Variants in EFCAB7 observed in about 807,000 individuals in gnomAD.
The protein encoded by EFCAB7 is EF-hand calcium-binding domain-containing protein 7.
EFCAB7 carries 66 observed loss-of-function variants against 77.1 expected under a neutral mutation model. The ratio of observed to expected loss-of-function variants is 0.86; its 90% CI spans 0.70 to 1.05. The LOEUF is 1.05. Ranked by LOEUF, EFCAB7 falls within the 50% of genes least tolerant of loss-of-function variation. The pLI is 0.00. For missense variants in EFCAB7, 638 were observed against 730.5 expected (o/e 0.87, Z 1.46); for synonymous variants, 225 against 243.3 (o/e 0.92, Z 0.70).
chr1:63,553,004 G>C (rs1035403716), intron 8 of EFCAB7, among the ~76,000 whole-genome samples: 26 of 152,282 alleles, frequency 1.7e-4, no homozygotes, highest in African/African-American at 5.1e-4. Flanking sequence ...AAAAAAATTA[G>C]TATATAGCAA....
intron 2 of EFCAB7, among the ~76,000 whole-genome samples, chr1:63,530,327 C>A (rs759285964): frequency 3.3e-5 from 5 of 152,118 alleles, no homozygotes; most frequent in Non-Finnish European, 7.3e-5. Flanking sequence ...TTGGAACTAT[C>A]CAATATAAGA....
downstream of EFCAB7, among the ~76,000 whole-genome samples, chr1:63,573,613 C>T (rs1647329899): frequency 6.6e-6 from 1 of 152,056 alleles, no homozygotes; most frequent in South Asian, 2.1e-4. Flanking sequence ...AAGAGTAGGG[C>T]ATTTATGAGT....
intron 2 of EFCAB7, among the ~76,000 whole-genome samples, chr1:63,530,767 T>C (rs1454857900): frequency 6.6e-6 from 1 of 152,216 alleles, no homozygotes; most frequent in Non-Finnish European, 1.5e-5. Context: ...ATTAATGTTT[T>C]TGAAAGCTTA....
At chr1:63,559,301 C>CAAAAAA (rs71052490) in intron 10 of EFCAB7, among the ~76,000 whole-genome samples, 20 of 62,166 alleles carry the variant, frequency 3.2e-4, no homozygotes, top group Non-Finnish European at 4.1e-4. Context: ...GACTCTGTCT[C>CAAAAAA]AAAAAAAAAA....
chr1:63,568,349 A>C lies in EFCAB7; in HGVS notation c.1537A>C (p.Lys513Gln). The C allele has an allele frequency of 6.2e-7, 1 of 1,602,868 alleles. No homozygotes were observed. The highest frequency in any genetic ancestry group is 1.3e-5 in the African/African-American group (1 of 74,160). The change falls in exon 12 of 14, where the codon AAG becomes CAG. Residue 513 changes from lysine to glutamine, a missense_variant. By Grantham distance (53) the Lys-to-Gln change is moderately conservative. Coordinates refer to ENST00000371088, the MANE Select transcript of EFCAB7 (RefSeq NM_032437.4). ...FVIDIYAEKC[K>Q]PKIKAVHMEA... ...CATTGATATCTATGCAGAAAAATGC[A>C]AGCCAAAAATTAAAGCTGTCCATAT...
In EFCAB7 at chr1:63,533,498, T is replaced by G. The variant is rs1464805935; in HGVS notation, c.531T>G (p.Thr177=). 1 of 1,610,864 alleles carries G rather than the reference T, an allele frequency of 6.2e-7. No homozygotes were observed. Among genetic ancestry groups the G allele is most frequent in the Non-Finnish European group, 8.5e-7 (1 of 1,179,102 alleles). The part of the protein sequence containing the change: ...YMTTNEQCLK[T]TLEKLEVDSK... ...CAACCAACGAGCAATGTCTCAAGAC[T>G]ACACTAGAAAAACTAGAGGTTGACA... The change falls in exon 5 of 14, where the codon ACT becomes ACG. Residue 177 remains threonine, a synonymous_variant. Coordinates refer to ENST00000371088, the MANE Select transcript of EFCAB7 (RefSeq NM_032437.4).
intron 8 of EFCAB7, among the ~76,000 whole-genome samples, chr1:63,554,300 T>G (rs944348021): frequency 1.3e-5 from 2 of 152,190 alleles, no homozygotes; most frequent in African/African-American, 2.4e-5. Context: ...AAAAAGCTCT[T>G]AGGAGGTACA....
chr1:63,533,815 A>G (rs1413132252), intron 5 of EFCAB7, among the ~76,000 whole-genome samples, 166 bp downstream of exon 5: 2 of 152,132 alleles, frequency 1.3e-5, no homozygotes, highest in Non-Finnish European at 2.9e-5. Flanking sequence ...TTGAAGTAAA[A>G]TTTTATTATG....
intron 11 of EFCAB7, among the ~76,000 whole-genome samples, chr1:63,563,946 G>A (rs912493593): frequency 6.6e-6 from 1 of 151,928 alleles, no homozygotes; most frequent in Admixed American, 6.6e-5. Flanking sequence ...AAACTTACAT[G>A]TTTAGTTTTG....
intron 12 of EFCAB7, 78 bp downstream of exon 12, chr1:63,568,597 G>C (rs187157251): frequency 1.8e-6 from 2 of 1,105,810 alleles, no homozygotes; most frequent in East Asian, 5.3e-5. Context: ...TACTCTATTC[G>C]TATGTGGTAA....
intron 8 of EFCAB7, 40 bp from the exon 9 acceptor site, chr1:63,555,318 T>C (rs1188911416): frequency 3.9e-5 from 61 of 1,565,652 alleles, no homozygotes; most frequent in Non-Finnish European, 5.0e-5. Flanking sequence ...ATGAAAAGAT[T>C]AAGACTGATG....
At chr1:63,543,337 T>C (rs540345354) in intron 6 of EFCAB7, among the ~76,000 whole-genome samples, 55 of 152,358 alleles carry the variant, frequency 3.6e-4, no homozygotes, top group African/African-American at 1.3e-3. Context: ...TTTTGATTAC[T>C]GTATCTTTGT....
At chr1:63,562,675 CT>C (rs1208989157) in intron 11 of EFCAB7, among the ~76,000 whole-genome samples, 236 of 137,840 alleles carry the variant, frequency 1.7e-3, no homozygotes, top group Middle Eastern at 3.5e-3. Context: ...AATTTTTTAA[CT>C]TTTTTTTTTT....
intron 11 of EFCAB7, among the ~76,000 whole-genome samples, chr1:63,567,848 T>G (rs1647187624): frequency 6.6e-6 from 1 of 152,194 alleles, no homozygotes; most frequent in Non-Finnish European, 1.5e-5. Flanking sequence ...GAAAATATTT[T>G]TAAGTCTCAT....
At chr1:63,551,873 T>C (rs1646969748) in intron 8 of EFCAB7, 39 bp downstream of exon 8, 1 of 1,286,112 alleles carries the variant, frequency 7.8e-7, no homozygotes, top group Non-Finnish European at 1.1e-6. Flanking sequence ...TTTTTAAATA[T>C]AGTATGAACT....
intron 2 of EFCAB7, among the ~76,000 whole-genome samples, 167 bp downstream of exon 2, chr1:63,525,926 C>T (rs1381832502): frequency 6.6e-6 from 1 of 152,064 alleles, no homozygotes; most frequent in Non-Finnish European, 1.5e-5. Flanking sequence ...GTTACATATT[C>T]TAGGAACTAC....
At chr1:63,556,644 C>T (rs995161574) in intron 9 of EFCAB7, among the ~76,000 whole-genome samples, 1 of 152,210 alleles carries the variant, frequency 6.6e-6, no homozygotes, top group African/African-American at 2.4e-5. Flanking sequence ...TGGACTGAGC[C>T]AAAACTGTAT....
the EFCAB7 span, among the ~76,000 whole-genome samples, chr1:63,581,333 C>G: frequency 7.1e-6 from 1 of 141,746 alleles, no homozygotes; most frequent in African/African-American, 2.7e-5. Flanking sequence ...ACTCAGGAGG[C>G]TCATGCAGGA....
intron 6 of EFCAB7, among the ~76,000 whole-genome samples, chr1:63,540,907 T>C (rs751717449): frequency 5.3e-5 from 8 of 151,844 alleles, no homozygotes; most frequent in Non-Finnish European, 1.0e-4. Flanking sequence ...ATAGAAAACT[T>C]GTATAAATTG....
Sources: allele counts gnomAD v4.1 joint callset (sites outside exome capture counted in the v4.1 genomes callset), GRCh38; gene constraint gnomAD v4.1.1; transcripts MANE v1.5; gene names NCBI Gene and HGNC (gene_info 2026-07-23, HGNC 2026-07-21).